XRCC4: variants seen among roughly 807,000 people sequenced by gnomAD.
XRCC4 encodes X-ray repair cross complementing 4.
In XRCC4, 28 loss-of-function variants were observed where a neutral mutation model predicts 39.1. That is an observed-to-expected ratio of 0.72 (90% CI 0.53 to 0.98). XRCC4 has a LOEUF of 0.98. XRCC4 is among the 50% of genes least tolerant of loss of function. XRCC4 has a pLI of 0.00. For synonymous variants in XRCC4, 123 were observed against 126.4 expected (o/e 0.97, Z 0.18); for missense variants, 350 against 376.4 (o/e 0.93, Z 0.58).
chr5:83,155,007 C>T (rs190178612), intron 3 of XRCC4, among the ~76,000 whole-genome samples: 62 of 152,224 alleles, frequency 4.1e-4, no homozygotes, highest in African/African-American at 1.2e-3. Flanking sequence ...GCTGTTTTTA[C>T]CTTGTCTGGA....
intron 1 of XRCC4, among the ~76,000 whole-genome samples, chr5:83,085,563 T>C (rs1479525308): frequency 6.6e-6 from 1 of 152,178 alleles, no homozygotes; most frequent in African/African-American, 2.4e-5. Context: ...AAAATGACAG[T>C]ATCATTGCTA....
intron 4 of XRCC4, chr5:83,202,210 G>C (rs911510894): frequency 3.3e-5 from 5 of 152,120 alleles, no homozygotes; most frequent in African/African-American, 7.2e-5. Context: ...TAAACCACTG[G>C]GAAAATAAAT....
intron 7 of XRCC4, among the ~76,000 whole-genome samples, chr5:83,271,183 T>C (rs1396996792): frequency 2.0e-5 from 3 of 152,170 alleles, no homozygotes; most frequent in African/African-American, 7.2e-5. Context: ...CCTTTGGCAT[T>C]TTTTGAAACT....
chr5:83,230,137 G>C (rs1435756263), intron 6 of XRCC4, among the ~76,000 whole-genome samples: 1 of 151,748 alleles, frequency 6.6e-6, no homozygotes, highest in Non-Finnish European at 1.5e-5. Context: ...TCTGAAGTTA[G>C]GTAATATATT....
chr5:83,300,716 G>A (rs1755253217), intron 7 of XRCC4, among the ~76,000 whole-genome samples: 1 of 151,668 alleles, frequency 6.6e-6, no homozygotes, highest in Non-Finnish European at 1.5e-5. Flanking sequence ...TTCTCCTAAT[G>A]CTATCCCTCC....
At chr5:83,160,562 G>T (rs1326559674) in intron 3 of XRCC4, among the ~76,000 whole-genome samples, 4 of 152,158 alleles carry the variant, frequency 2.6e-5, no homozygotes, top group Non-Finnish European at 5.9e-5. Context: ...TGCTGCAAGT[G>T]TACCACGTGG....
intron 6 of XRCC4, among the ~76,000 whole-genome samples, chr5:83,244,042 A>G (rs1400227398): frequency 6.6e-6 from 1 of 152,152 alleles, no homozygotes; most frequent in Non-Finnish European, 1.5e-5. Context: ...TAATGTGCAA[A>G]GTTAAAAATG....
chr5:83,191,480 A>C (rs1750690730), intron 3 of XRCC4, among the ~76,000 whole-genome samples: 1 of 152,174 alleles, frequency 6.6e-6, no homozygotes, highest in Admixed American at 6.5e-5. Flanking sequence ...CGAGGTGGGC[A>C]GATCACGAGG....
intron 3 of XRCC4, among the ~76,000 whole-genome samples, chr5:83,183,453 T>TGTGG (rs1190593999): frequency 2.9e-5 from 4 of 138,430 alleles, no homozygotes; most frequent in South Asian, 2.4e-4. Flanking sequence ...TGTGTGTGTG[T>TGTGG]GGCACATCAA....
At chr5:83,242,471 G>T (rs999414712) in intron 6 of XRCC4, among the ~76,000 whole-genome samples, 1 of 150,158 alleles carries the variant, frequency 6.7e-6, no homozygotes, top group Non-Finnish European at 1.5e-5. Flanking sequence ...TTTGCCACAG[G>T]GTCTCACTTT....
chr5:83,218,455 G>A lies in XRCC4; in HGVS notation c.745+13534G>A, dbSNP rs371851630. 1.2e-4 allele frequency among the ~76,000 whole-genome samples: 18 copies of A among 152,096 alleles called. 1 individual carries two copies. In the East Asian group the frequency reaches 2.5e-3, roughly 21 times the overall value. On this transcript the variant is annotated intron_variant, in intron 6 of 7. Transcript: ENST00000396027. ...AAGAAAACAGGTATTTCCTAGGACA[G>A]TGTTTGTATGTCTGTTTTAAGAGGA...
intron 7 of XRCC4, among the ~76,000 whole-genome samples, chr5:83,268,304 A>G (rs553500692): frequency 3.3e-5 from 5 of 152,288 alleles, no homozygotes; most frequent in Admixed American, 2.6e-4. Context: ...TAAATCATCT[A>G]TCTTACTTTA....
At chr5:83,298,651 A>AT (rs150719453) in intron 7 of XRCC4, among the ~76,000 whole-genome samples, 5 of 150,834 alleles carry the variant, frequency 3.3e-5, no homozygotes, top group Admixed American at 6.6e-5. Flanking sequence ...CATTAAATGG[A>AT]TTTTTTTTTA....
intron 3 of XRCC4, among the ~76,000 whole-genome samples, chr5:83,137,357 A>G (rs1036112474): frequency 2.6e-5 from 4 of 152,186 alleles, no homozygotes; most frequent in East Asian, 1.9e-4. Flanking sequence ...AGGGGATGCA[A>G]TGTAGTCTAG....
At chr5:83,365,355 C>T in the XRCC4 span, among the ~76,000 whole-genome samples, 2 of 152,098 alleles carry the variant, frequency 1.3e-5, no homozygotes, top group South Asian at 2.1e-4. Context: ...TGCTTAATTT[C>T]GGTCATCACT....
At chr5:83,106,466 C>A (rs1044309194) in intron 2 of XRCC4, among the ~76,000 whole-genome samples, 3 of 151,864 alleles carry the variant, frequency 2.0e-5, no homozygotes, top group Non-Finnish European at 4.4e-5. Flanking sequence ...GTTTCAGGAG[C>A]CTTAATTATC....
chr5:83,174,044 A>G (rs78475261), intron 3 of XRCC4, among the ~76,000 whole-genome samples: 3,247 of 152,324 alleles, frequency 0.021, 94 homozygotes, highest in African/African-American at 0.072. Flanking sequence ...TACTCGGTTT[A>G]AAAATTAAAT....
rs181131291 is a variant in XRCC4 at position 83,262,280 on chromosome 5, G to A, written c.893+3603G>A. Among the ~76,000 whole-genome samples, 7 of 152,246 alleles carry A rather than the reference G, an allele frequency of 4.6e-5. No individual in the cohort carries two copies. The East Asian group carries it at 5.8e-4, about 13-fold the overall frequency. ...TGTGCCTGGTTACTTCCTCAACTGGGTTTATAATCTTTTGAGAGACAAAGA... is the reference window on the plus strand; with the variant it reads ...TGTGCCTGGTTACTTCCTCAACTGGATTTATAATCTTTTGAGAGACAAAGA... On this transcript the variant is annotated intron_variant, in intron 7 of 7. Coordinates refer to ENST00000396027, the MANE Select transcript of XRCC4 (RefSeq NM_003401.5).
At chr5:83,209,461 G>C (rs1051178231) in intron 6 of XRCC4, among the ~76,000 whole-genome samples, 1 of 152,038 alleles carries the variant, frequency 6.6e-6, no homozygotes, top group African/African-American at 2.4e-5. Context: ...AGAATTGTAT[G>C]TGAAAACAAT....
Sources: gnomAD v4.1 joint callset for allele counts (sites outside exome capture counted in the v4.1 genomes callset) on GRCh38, gnomAD v4.1.1 for gene constraint, MANE v1.5 for transcripts, NCBI Gene and HGNC (gene_info 2026-07-23, HGNC 2026-07-21) for gene names.